The following ADGRG7 variants were observed in gnomAD, a reference collection of about 807,000 sequenced individuals.
The protein encoded by ADGRG7 is adhesion G protein-coupled receptor G7.
A neutral mutation model predicts 88.6 loss-of-function variants in ADGRG7; 82 were observed. The ratio of observed to expected loss-of-function variants is 0.93; its 90% CI spans 0.77 to 1.11. ADGRG7 has a LOEUF of 1.11. ADGRG7 is among the 50% of genes most tolerant of loss of function. The pLI is 0.00. For synonymous variants in ADGRG7, 381 were observed against 345.2 expected (o/e 1.10, Z -1.15); for missense variants, 945 against 953.4 (o/e 0.99, Z 0.12).
At position 100,654,955 on chromosome 3, in the gene ADGRG7, T is replaced by C; in HGVS notation, c.1500T>C (p.Asp500=). The C allele has an allele frequency of 6.2e-7, 1 of 1,614,082 alleles. No individual in the cohort carries two copies. Among genetic ancestry groups the C allele is most frequent in the Non-Finnish European group, 8.5e-7 (1 of 1,179,952 alleles). Reference sequence around the variant, plus strand: ...CCAATAAGAACTTGCAGACAAGTGATGGTGACATCAATAATATTGACTTTG... The same window carrying C: ...CCAATAAGAACTTGCAGACAAGTGACGGTGACATCAATAATATTGACTTTG... ...ENSNKNLQTS[D]GDINNIDFDN... The change falls in exon 12 of 16, where the codon GAT becomes GAC. Residue 500 remains aspartate (D), a synonymous_variant. Transcript: ENST00000273352.
intron 4 of ADGRG7, among the ~76,000 whole-genome samples, chr3:100,635,280 C>T (rs1352272062): frequency 1.3e-5 from 2 of 152,088 alleles, no homozygotes; most frequent in African/African-American, 2.4e-5. Context: ...GTATAAAATA[C>T]AAACCAAAAT....
intron 5 of ADGRG7, among the ~76,000 whole-genome samples, chr3:100,636,106 G>A (rs1484315468): frequency 6.6e-6 from 1 of 152,162 alleles, no homozygotes; most frequent in African/African-American, 2.4e-5. Context: ...CCAGGCTGGA[G>A]TGCAGTGGCA....
chr3:100,637,047 T>A (rs1350259971), intron 5 of ADGRG7, among the ~76,000 whole-genome samples: 2 of 152,216 alleles, frequency 1.3e-5, no homozygotes, highest in Non-Finnish European at 2.9e-5. Flanking sequence ...GTGAAAGATC[T>A]TGCTATGAGG....
intron 15 of ADGRG7, among the ~76,000 whole-genome samples, chr3:100,693,761 A>G (rs1434404295): frequency 6.6e-6 from 1 of 152,250 alleles, no homozygotes; most frequent in Admixed American, 6.5e-5. Context: ...ATAATATCTT[A>G]TACAGCCATA....
intron 1 of ADGRG7, among the ~76,000 whole-genome samples, chr3:100,624,670 T>C (rs1707359583): frequency 6.6e-6 from 1 of 152,178 alleles, no homozygotes; most frequent in Admixed American, 6.5e-5. Context: ...TGGTTTTGAG[T>C]TTTACATTAA....
rs1354519357 is a variant in ADGRG7, at chr3:100,623,735, G to T, written c.116-5863G>T. On this transcript the variant is annotated intron_variant, in intron 1 of 15. Transcript: ENST00000273352. ...TCCCCAACAGGCCCCGGTGTGTGTT[G>T]TTCCCCTTCCTGTGTTCATGTGTTC... 2.0e-5 allele frequency among the ~76,000 whole-genome samples: 3 copies of T among 151,538 alleles called. No individual in the cohort carries two copies. The East Asian group carries it at 5.8e-4, about 29-fold the overall frequency.
At chr3:100,645,410 G>A (rs1394917353) in intron 8 of ADGRG7, among the ~76,000 whole-genome samples, 4 of 152,264 alleles carry the variant, frequency 2.6e-5, no homozygotes, top group African/African-American at 7.2e-5. Context: ...ATGGTGAAGA[G>A]TGCCTGCCTC....
chr3:100,679,120 G>A (rs932641977), intron 15 of ADGRG7, among the ~76,000 whole-genome samples: 2 of 152,196 alleles, frequency 1.3e-5, no homozygotes, highest in East Asian at 1.9e-4. Flanking sequence ...GGAGCCTCAG[G>A]AAACTACTTG....
chr3:100,662,151 A>G (rs151070114), intron 14 of ADGRG7, among the ~76,000 whole-genome samples: 2 of 152,250 alleles, frequency 1.3e-5, no homozygotes, highest in Non-Finnish European at 2.9e-5. Context: ...CTTCCTTAGT[A>G]TCTATATGGG....
At chr3:100,637,516 T>A in intron 6 of ADGRG7, 114 bp downstream of exon 6, 1 of 716,506 alleles carries the variant, frequency 1.4e-6, no homozygotes, top group Non-Finnish European at 2.4e-6. Flanking sequence ...AACTGACTGA[T>A]TCCTCTGGAA....
intron 15 of ADGRG7, among the ~76,000 whole-genome samples, chr3:100,677,773 C>G (rs1240921291): frequency 6.6e-6 from 1 of 152,140 alleles, no homozygotes; most frequent in Admixed American, 6.5e-5. Context: ...AAGGTTTCTA[C>G]TGAGAAAGCT....
At chr3:100,638,727 A>G (rs1707589355) in intron 6 of ADGRG7, among the ~76,000 whole-genome samples, 1 of 152,022 alleles carries the variant, frequency 6.6e-6, no homozygotes, top group Non-Finnish European at 1.5e-5. Context: ...AAAAAAAGAA[A>G]AAGAGAACTC....
chr3:100,633,426 G>A (rs771058341), intron 4 of ADGRG7, 49 bp downstream of exon 4: 8 of 1,057,686 alleles, frequency 7.6e-6, no homozygotes, highest in African/African-American at 1.6e-5. Flanking sequence ...TTCTGATTCC[G>A]TGCAGTTTCT....
chr3:100,622,560 C>A, intron 1 of ADGRG7, among the ~76,000 whole-genome samples: 1 of 152,004 alleles, frequency 6.6e-6, no homozygotes, highest in East Asian at 1.9e-4. Context: ...TATTAAGTGT[C>A]TGTTCCAGTC....
Position 100,620,753 on chromosome 3 carries a change from C to A in ADGRG7, c.116-8845C>A, listed in dbSNP as rs532386675. ...GAAAGAATTATTAAATCGTATACAT[C>A]AAAAAGCAAGAAATTGAATCCAGAA... On this transcript the variant is annotated intron_variant, in intron 1 of 15. Transcript: ENST00000273352. 2.0e-5 allele frequency among the ~76,000 whole-genome samples: 3 copies of A among 152,048 alleles called. No individual in the cohort carries two copies. In the South Asian group the frequency reaches 6.2e-4, roughly 32 times the overall value.
At chr3:100,663,567 A>G (rs547902177) in intron 14 of ADGRG7, among the ~76,000 whole-genome samples, 9 of 152,060 alleles carry the variant, frequency 5.9e-5, no homozygotes, top group Non-Finnish European at 1.2e-4. Context: ...CTTCTAAATT[A>G]GTGAAGCCAA....
intron 1 of ADGRG7, among the ~76,000 whole-genome samples, chr3:100,623,468 T>C (rs1010693780): frequency 2.0e-5 from 3 of 152,214 alleles, no homozygotes; most frequent in Non-Finnish European, 4.4e-5. Flanking sequence ...TTGATTGCTA[T>C]GGCTTTATTG....
chr3:100,675,578 T>C (rs1240533492), intron 15 of ADGRG7, among the ~76,000 whole-genome samples: 1 of 152,158 alleles, frequency 6.6e-6, no homozygotes, highest in Non-Finnish European at 1.5e-5. Context: ...TTCTTTTTGA[T>C]GTGCCTTTTT....
At chr3:100,657,257 A>T (rs1206062591) in intron 13 of ADGRG7, among the ~76,000 whole-genome samples, 1 of 152,168 alleles carries the variant, frequency 6.6e-6, no homozygotes, top group African/African-American at 2.4e-5. Flanking sequence ...CCCTACACAC[A>T]TGCCATCAAG....
Sources: gnomAD v4.1 joint callset for allele counts (sites outside exome capture counted in the v4.1 genomes callset) on GRCh38, gnomAD v4.1.1 for gene constraint, MANE v1.5 for transcripts, NCBI Gene and HGNC (gene_info 2026-07-23, HGNC 2026-07-21) for gene names.